The following PLEKHB1 variants were observed in gnomAD, a reference collection of about 807,000 sequenced individuals.
PLEKHB1 encodes pleckstrin homology domain-containing family B member 1.
Under a neutral mutation model 36.2 loss-of-function variants are expected in PLEKHB1, and 29 were observed. The observed-to-expected ratio is 0.80, with a 90% CI of 0.60 to 1.09. The LOEUF is 1.09. Ranked by LOEUF, PLEKHB1 falls within the 50% of genes least tolerant of loss-of-function variation. PLEKHB1 has a pLI of 0.00. For missense variants in PLEKHB1, 330 were observed against 348.2 expected (o/e 0.95, Z 0.42); for synonymous variants, 138 against 140.0 (o/e 0.99, Z 0.10).
At position 73,661,568 on chromosome 11, in the gene PLEKHB1, T is replaced by A; in HGVS notation, c.698T>A (p.Leu233Gln). The change falls in exon 8 of 8, where the codon CTG becomes CAG. Residue 233 changes from leucine to glutamine, a missense_variant. Coordinates refer to ENST00000354190, the MANE Select transcript of PLEKHB1 (RefSeq NM_021200.3). The surrounding 1 kb of genome is among the most constrained non-coding windows in gnomAD (Gnocchi z 4.6). ...MLAGAATGAA[L>Q]GSLMWSPCWF ...GCGGGAGCCGCCACTGGGGCGGCGC[T>A]GGGCTCGCTCATGTGGTCGCCCTGC... The A allele has an allele frequency of 6.2e-7, 1 of 1,605,972 alleles. No individual in the cohort carries two copies.
Position 73,661,723 on chromosome 11 carries a change from T to G in PLEKHB1, c.*121T>G. 1 of 1,298,496 alleles carries G rather than the reference T, an allele frequency of 7.7e-7. No homozygotes were observed. Among genetic ancestry groups the G allele is most frequent in the Non-Finnish European group, 1.0e-6 (1 of 959,502 alleles). 80.4% of individuals were successfully genotyped at this position (1,298,496 alleles called of 1,614,324 possible). A position where few individuals can be genotyped will look rare whatever the true frequency, so the allele number is the denominator to read the frequency against. ...TGGCCCTATCCTCTCCATTAGCTCC[T>G]TCCGGGTTTGGACCATTCCCCCCAC... is the stretch of plus-strand genomic sequence containing the variant. On this transcript the variant is annotated 3_prime_UTR_variant, in exon 8 of 8. Transcript: ENST00000354190. This position sits in a 1 kb window ranked among gnomAD's most constrained non-coding sequence, Gnocchi z 4.6.
intron 2 of PLEKHB1, 153 bp from the exon 3 acceptor site, chr11:73,650,396 CAGAA>C: frequency 1.3e-6 from 1 of 769,372 alleles, no homozygotes; most frequent in Non-Finnish European, 2.0e-6. Context: ...GTGAACAAGA[CAGAA>C]AGAGGTCCTG....
At chr11:73,659,090 G>A (rs1590802526) in intron 6 of PLEKHB1, among the ~76,000 whole-genome samples, 1 of 152,164 alleles carries the variant, frequency 6.6e-6, no homozygotes, top group African/African-American at 2.4e-5. Context: ...GCCAGGCGTG[G>A]TGGCAGGAAC....
intron 5 of PLEKHB1, chr11:73,653,576 T>C: frequency 2.4e-6 from 1 of 414,858 alleles, no homozygotes; most frequent in Non-Finnish European, 4.9e-6. Flanking sequence ...TGACAGAGAT[T>C]TGCAGTGTCT....
chr11:73,651,737 G>C, intron 3 of PLEKHB1, 51 bp from the exon 4 acceptor site: 1 of 1,447,400 alleles, frequency 6.9e-7, no homozygotes, highest in Non-Finnish European at 9.6e-7. Context: ...TTTACTGGGG[G>C]GACCTGGGGC....
intron 3 of PLEKHB1, chr11:73,651,367 AAAAG>A (rs1166754889): frequency 4.5e-6 from 2 of 443,882 alleles, no homozygotes; most frequent in East Asian, 6.9e-5. Context: ...AAAAAAAAAA[AAAAG>A]AAAAAGAAAA....
intron 2 of PLEKHB1, 63 bp from the exon 3 acceptor site, chr11:73,650,490 G>A: frequency 6.6e-7 from 1 of 1,513,192 alleles, no homozygotes; most frequent in Non-Finnish European, 8.9e-7. Context: ...GAGTCTGTCT[G>A]GGGCTTCTAT....
At chr11:73,648,434 G>A (rs1028032707) in intron 1 of PLEKHB1, among the ~76,000 whole-genome samples, 3 of 152,174 alleles carry the variant, frequency 2.0e-5, no homozygotes, top group African/African-American at 7.2e-5. Context: ...GGGGTACCCG[G>A]ACAGAGTGCT....
chr11:73,647,604 C>A (rs1944792225), intron 1 of PLEKHB1: 1 of 985,448 alleles, frequency 1.0e-6, no homozygotes, highest in Non-Finnish European at 1.2e-6. Flanking sequence ...GGCAGCTGGG[C>A]TCTCAGGCGC....
intron 5 of PLEKHB1, among the ~76,000 whole-genome samples, chr11:73,655,299 G>A (rs759932901): frequency 6.6e-6 from 1 of 152,174 alleles, no homozygotes; most frequent in Non-Finnish European, 1.5e-5. Context: ...ATCTTTGTGT[G>A]TTCACCTCTG....
chr11:73,653,110 A>T, intron 5 of PLEKHB1, 96 bp downstream of exon 5: 2 of 1,293,392 alleles, frequency 1.5e-6, no homozygotes, highest in Non-Finnish European at 2.2e-6. Context: ...AGAAGTTCTC[A>T]GTCTTATGTG....
intron 6 of PLEKHB1, among the ~76,000 whole-genome samples, chr11:73,657,253 G>A (rs1945012555): frequency 6.6e-6 from 1 of 152,206 alleles, no homozygotes; most frequent in South Asian, 2.1e-4. Context: ...CAGTGGCTTG[G>A]AGAGGTTACC....
chr11:73,647,368 T>C (rs1238976192), intron 1 of PLEKHB1: 2 of 184,552 alleles, frequency 1.1e-5, no homozygotes, highest in African/African-American at 4.8e-5. Flanking sequence ...CCTTGCAACT[T>C]TACTTTTTCT....
At chr11:73,650,788 TCTTTTTGCAG>T in intron 3 of PLEKHB1, 83 bp downstream of exon 3, 1 of 1,433,892 alleles carries the variant, frequency 7.0e-7, no homozygotes, top group Non-Finnish European at 9.2e-7. Context: ...CTGTTGGAAG[TCTTTTTGCAG>T]CTTTCAGAGG....
Position 73,655,838 on chromosome 11 carries a change from C to T in PLEKHB1, c.426C>T (p.Arg142=). 6.2e-7 allele frequency: 1 copy of T among 1,613,830 alleles called. No individual in the cohort carries two copies. Among genetic ancestry groups the T allele is most frequent in the East Asian group, 2.2e-5 (1 of 44,876 alleles). ...GAGCCACCGTCCCTCCCAGGAGCCG[C>T]CGGGTTTGCTCCAAGGTCAGGTGTG... is the stretch of plus-strand genomic sequence containing the variant. ...PAGATVPPRS[R]RVCSKVRCVT... The change falls in exon 6 of 8, where the codon CGC becomes CGT. Residue 142 remains arginine (R), a synonymous_variant. Transcript: ENST00000354190.
chr11:73,650,936 G>A (rs535225197), intron 3 of PLEKHB1, among the ~76,000 whole-genome samples: 2 of 152,000 alleles, frequency 1.3e-5, no homozygotes, highest in South Asian at 4.2e-4. Context: ...GGCTGAAGCG[G>A]GCGGATCACT....
At chr11:73,657,055 G>T (rs1422123076) in intron 6 of PLEKHB1, among the ~76,000 whole-genome samples, 2 of 152,138 alleles carry the variant, frequency 1.3e-5, no homozygotes, top group African/African-American at 4.8e-5. Flanking sequence ...CAGGAGAATG[G>T]CTTGAACTCA....
At chr11:73,647,937 G>A (rs1184361834) in intron 1 of PLEKHB1, 1 of 985,572 alleles carries the variant, frequency 1.0e-6, no homozygotes, top group Non-Finnish European at 1.2e-6. Context: ...CCGCTGGCAA[G>A]TGAGTCGCCC....
intron 6 of PLEKHB1, 33 bp downstream of exon 6, chr11:73,655,940 A>G (rs1442187790): frequency 6.3e-7 from 1 of 1,582,808 alleles, no homozygotes; most frequent in East Asian, 2.2e-5. Context: ...CTGCCTCCAT[A>G]CTGGCCACCA....
Sources: allele counts gnomAD v4.1 joint callset (sites outside exome capture counted in the v4.1 genomes callset), GRCh38; gene constraint gnomAD v4.1.1; non-coding constraint Gnocchi (gnomAD v3.1); transcripts MANE v1.5; gene names NCBI Gene and HGNC (gene_info 2026-07-23, HGNC 2026-07-21).